The following FKBP5 variants were observed in gnomAD, a reference collection of about 807,000 sequenced individuals.
The protein encoded by FKBP5 is FKBP prolyl isomerase 5, also known as peptidyl-prolyl cis-trans isomerase FKBP5.
In FKBP5, 23 loss-of-function variants were observed where a neutral mutation model predicts 50.5. The observed-to-expected ratio is 0.46, with a 90% CI of 0.33 to 0.65. The LOEUF is 0.65. Among genes scored for constraint, FKBP5 ranks in the 30% least tolerant of loss-of-function variants. FKBP5 has a pLI of 0.02. For missense variants in FKBP5, 411 were observed against 553.1 expected, an observed-to-expected ratio of 0.74 and a Z score of 2.58; for synonymous variants, 176 against 190.6, an observed-to-expected ratio of 0.92 and a Z score of 0.63.
chr6:35,701,242 TTTTTTG>T (rs1766179740), intron 2 of FKBP5, among the ~76,000 whole-genome samples: 1 of 149,588 alleles, frequency 6.7e-6, no homozygotes, highest in Non-Finnish European at 1.5e-5. Flanking sequence ...TGTTTTTTGT[TTTTTTG>T]TTTTTTTTTT....
At chr6:35,688,672 C>T (rs573470990) in intron 1 of FKBP5, 132 bp downstream of exon 1, 37 of 150,930 alleles carry the variant, frequency 2.5e-4, no homozygotes, top group Admixed American at 2.0e-3. Context: ...CACGCGGCTC[C>T]TGGGCTGCGA....
At chr6:35,709,890 A>C (rs1348924315) in intron 2 of FKBP5, among the ~76,000 whole-genome samples, 6 of 150,922 alleles carry the variant, frequency 4.0e-5, no homozygotes, top group Admixed American at 4.0e-4. Flanking sequence ...AAAAAAAAAC[A>C]GACAAGAGAT....
intron 1 of FKBP5, among the ~76,000 whole-genome samples, chr6:35,670,956 A>G (rs1308811009): frequency 6.6e-6 from 1 of 152,124 alleles, no homozygotes; most frequent in African/African-American, 2.4e-5. Context: ...AGGTAAAAGC[A>G]AAGTATTAAT....
rs1203764695 is a variant in FKBP5 at position 35,573,768 on chromosome 6, T to C, written c.*2067A>G. 1 of 152,178 alleles carries C rather than the reference T, an allele frequency of 6.6e-6. No individual in the cohort carries two copies. The highest frequency in any genetic ancestry group is 6.6e-5 in the Admixed American group (1 of 15,264). The allele number at this position is 152,178 out of a possible 1,614,324, so 9.4% of individuals were successfully genotyped here. On this transcript the variant is annotated 3_prime_UTR_variant, in exon 11 of 11. Transcript: ENST00000357266. ...CACAAATTGTTTAAGATTATTGAATTTGATACAAGAATACGTGAAGTGTCT... is the reference window on the plus strand; with the variant it reads ...CACAAATTGTTTAAGATTATTGAATCTGATACAAGAATACGTGAAGTGTCT...
rs1354422227 is a variant in FKBP5 at position 35,654,618 on chromosome 6, TTTTG to T, written c.-19-11779_-19-11776del. Among the ~76,000 whole-genome samples the T allele has an allele frequency of 5.3e-5, 8 of 152,078 alleles. No individual in the cohort carries two copies. The South Asian group carries it at 1.0e-3, about 20-fold the overall frequency. On this transcript the variant is annotated intron_variant, in intron 1 of 10. Transcript: ENST00000357266. ...CTTTCTTGACTTTATGCATTGCCTT[TTTTG>T]TTTGTTTGTTTTGCTTTTTGAGATG...
chr6:35,629,813 A>G (rs1289324971), intron 3 of FKBP5, among the ~76,000 whole-genome samples: 1 of 152,198 alleles, frequency 6.6e-6, no homozygotes, highest in Non-Finnish European at 1.5e-5. Context: ...CCTCTATCGC[A>G]AAGTACCAGG....
At chr6:35,657,159 G>A (rs910478773) in intron 1 of FKBP5, among the ~76,000 whole-genome samples, 3 of 152,100 alleles carry the variant, frequency 2.0e-5, no homozygotes, top group Non-Finnish European at 4.4e-5. Context: ...AGCTTGCAGC[G>A]AGCTGAGATC....
At chr6:35,630,496 G>A (rs1246269425) in intron 3 of FKBP5, among the ~76,000 whole-genome samples, 3 of 152,114 alleles carry the variant, frequency 2.0e-5, no homozygotes, top group South Asian at 2.1e-4. Flanking sequence ...GCAGTGAGCC[G>A]AGATCGTGCC....
intron 2 of FKBP5, among the ~76,000 whole-genome samples, chr6:35,704,383 C>A (rs1387104091): frequency 6.6e-6 from 1 of 152,144 alleles, no homozygotes; most frequent in Non-Finnish European, 1.5e-5. Context: ...CACTGTGGCA[C>A]CTGCTGCCTT....
At chr6:35,583,396 A>C (rs1237180624) in intron 8 of FKBP5, 3 of 985,442 alleles carry the variant, frequency 3.0e-6, no homozygotes, top group Non-Finnish European at 3.6e-6. Context: ...AAACAAAACA[A>C]AACACAAAAA....
chr6:35,621,360 C>T (rs1047095853), intron 3 of FKBP5, among the ~76,000 whole-genome samples: 5 of 152,116 alleles, frequency 3.3e-5, no homozygotes, highest in East Asian at 1.9e-4. Flanking sequence ...TGGTGGCTCA[C>T]GCCTGTAATC....
intron 1 of FKBP5, among the ~76,000 whole-genome samples, chr6:35,663,194 G>A (rs147985811): frequency 2.6e-5 from 4 of 152,176 alleles, no homozygotes; most frequent in Non-Finnish European, 2.9e-5. Context: ...TGTGAGCTGA[G>A]GGGGAGGGCT....
Position 35,665,536 on chromosome 6 carries a change from G to A in FKBP5, c.-19-22693C>T, listed in dbSNP as rs533436286. ...AATCTCTTGACTTCATGATCCGCCC[G>A]CCTCGGCCTCCCAAAGTGCTGGGAT... On this transcript the variant is annotated intron_variant, in intron 1 of 10. Coordinates refer to ENST00000357266, the MANE Select transcript of FKBP5 (RefSeq NM_004117.4). Among the ~76,000 whole-genome samples the A allele has an allele frequency of 4.5e-4, 68 of 152,118 alleles. 2 individuals are homozygous for A. In the South Asian group the frequency reaches 0.014, roughly 31 times the overall value.
chr6:35,593,435 GTCACA>G (rs1762882412), intron 6 of FKBP5, among the ~76,000 whole-genome samples: 1 of 152,188 alleles, frequency 6.6e-6, no homozygotes, highest in South Asian at 2.1e-4. Context: ...TTCCTGAGAA[GTCACA>G]CACAGGCAGT....
chr6:35,653,006 G>A (rs1423612739), intron 1 of FKBP5, among the ~76,000 whole-genome samples: 3 of 152,236 alleles, frequency 2.0e-5, no homozygotes, highest in Middle Eastern at 3.4e-3. Context: ...CAGGTCCCCC[G>A]ATAAGAAGGG....
At chr6:35,628,684 T>C (rs1186753694) in intron 3 of FKBP5, among the ~76,000 whole-genome samples, 1 of 152,252 alleles carries the variant, frequency 6.6e-6, no homozygotes, top group Non-Finnish European at 1.5e-5. Flanking sequence ...CAAATTATTT[T>C]TCCTGTATAC....
intron 2 of FKBP5, among the ~76,000 whole-genome samples, chr6:35,706,424 C>CAAAAAAAAAAAAAAA (rs71002595): frequency 9.6e-6 from 1 of 103,876 alleles, no homozygotes; most frequent in Non-Finnish European, 2.0e-5. Context: ...AACTCTGTCT[C>CAAAAAAAAAAAAAAA]AAAAAAAAAA....
rs1414604287 is a variant in FKBP5 at position 35,657,036 on chromosome 6, CCT to C, written c.-19-14195_-19-14194del. Among the ~76,000 whole-genome samples, 12 of 148,072 alleles carry C rather than the reference CCT, an allele frequency of 8.1e-5. 1 individual carries two copies. Among genetic ancestry groups the C allele is most frequent in the African/African-American group, 3.0e-4 (12 of 40,088 alleles). ...ACCATCCTGTCTAACACGGTGAAAC[CCT>C]GTCTCTACTAAAAATACAAAAAAAA... On this transcript the variant is annotated intron_variant, in intron 1 of 10. Coordinates refer to ENST00000357266, the MANE Select transcript of FKBP5 (RefSeq NM_004117.4).
intron 7 of FKBP5, among the ~76,000 whole-genome samples, chr6:35,590,647 A>G (rs965114900): frequency 6.6e-6 from 1 of 152,120 alleles, no homozygotes; most frequent in Non-Finnish European, 1.5e-5. Context: ...CTGGTCACAG[A>G]GCCTAGTGGC....
Sources: gnomAD v4.1 joint callset for allele counts (sites outside exome capture counted in the v4.1 genomes callset) on GRCh38, gnomAD v4.1.1 for gene constraint, MANE v1.5 for transcripts, NCBI Gene and HGNC (gene_info 2026-07-23, HGNC 2026-07-21) for gene names.